The following CCDC180 variants were observed in gnomAD, a reference collection of about 807,000 sequenced individuals.
The protein encoded by CCDC180 is coiled-coil domain containing 180.
Under a neutral mutation model 209.2 loss-of-function variants are expected in CCDC180, and 154 were observed. The ratio of observed to expected loss-of-function variants is 0.74; its 90% CI spans 0.65 to 0.84. CCDC180 has a LOEUF of 0.84. Among genes scored for constraint, CCDC180 ranks in the 40% least tolerant of loss-of-function variants. CCDC180 has a pLI of 0.00. For missense variants in CCDC180, 1,874 were observed against 1,997.3 expected, an observed-to-expected ratio of 0.94 and a Z score of 1.18; for synonymous variants, 778 against 749.1, an observed-to-expected ratio of 1.04 and a Z score of -0.63.
intron 18 of CCDC180, among the ~76,000 whole-genome samples, chr9:97,332,138 A>C (rs1825773825): frequency 6.6e-6 from 1 of 152,138 alleles, no homozygotes; most frequent in Admixed American, 6.5e-5. Context: ...CCATTTATTA[A>C]ATGGGTAGTC....
intron 9 of CCDC180, 73 bp downstream of exon 9, chr9:97,317,301 C>T (rs928782116): frequency 1.2e-5 from 16 of 1,340,384 alleles, no homozygotes; most frequent in South Asian, 1.9e-5. Flanking sequence ...GGCATTCTCC[C>T]TCACTTTTTG....
At position 97,320,147 on chromosome 9, in the gene CCDC180, C is replaced by G. The variant is rs554407438; in HGVS notation, c.1101C>G (p.Tyr367Ter). 6.2e-7 allele frequency: 1 copy of G among 1,614,158 alleles called. No homozygotes were observed. The highest frequency in any genetic ancestry group is 8.5e-7 in the Non-Finnish European group (1 of 1,180,032). ...CTICDLLPPSYSKTQLTEWHS... is the reference protein window; with the variant it reads ...CTICDLLPPS ...CCAGTGACCTCCTGCCCCCCAGTTA[C>G]AGCAAAACTCAGCTGACTGAGTGGC... Residue 367 changes from tyrosine to a stop codon, truncating the protein, a stop_gained, in exon 11 of 37, where the codon TAC becomes TAG. Coordinates refer to ENST00000529487, the MANE Select transcript of CCDC180 (RefSeq NM_020893.6). LOFTEE classifies it high-confidence loss of function.
intron 25 of CCDC180, among the ~76,000 whole-genome samples, chr9:97,359,049 T>A (rs1429682882): frequency 6.6e-6 from 1 of 152,244 alleles, no homozygotes; most frequent in Admixed American, 6.5e-5. Flanking sequence ...GTTATGTATA[T>A]GCATGCACTT....
chr9:97,318,759 G>A (rs1833264191), intron 10 of CCDC180, among the ~76,000 whole-genome samples, 177 bp downstream of exon 10: 1 of 152,136 alleles, frequency 6.6e-6, no homozygotes, highest in South Asian at 2.1e-4. Flanking sequence ...GAAAGGCCAT[G>A]GCCCATTTGC....
At chr9:97,347,815 G>A (rs557602446) in intron 20 of CCDC180, 6 of 221,688 alleles carry the variant, frequency 2.7e-5, no homozygotes, top group Non-Finnish European at 5.3e-5. Flanking sequence ...CACCTGCATG[G>A]TGGATGTTCT....
chr9:97,332,516 G>A (rs1825785447), intron 18 of CCDC180, among the ~76,000 whole-genome samples: 1 of 152,018 alleles, frequency 6.6e-6, no homozygotes, highest in African/African-American at 2.4e-5. Flanking sequence ...GGATGTTTAT[G>A]GTTTTTCATT....
At chr9:97,347,621 G>A in intron 20 of CCDC180, 132 bp downstream of exon 20, 1 of 863,270 alleles carries the variant, frequency 1.2e-6, no homozygotes, top group Non-Finnish European at 1.7e-6. Flanking sequence ...ATCACACCAT[G>A]GAAGATGTAC....
intron 18 of CCDC180, among the ~76,000 whole-genome samples, chr9:97,336,442 T>C (rs537448671): frequency 1.1e-4 from 17 of 152,332 alleles, no homozygotes; most frequent in Non-Finnish European, 2.1e-4. Context: ...TTGCTTGTTT[T>C]TGTCAGGTTT....
chr9:97,349,408 C>A (rs1826361884), intron 21 of CCDC180, 117 bp downstream of exon 21: 1 of 836,174 alleles, frequency 1.2e-6, no homozygotes, highest in Non-Finnish European at 1.8e-6. Flanking sequence ...ACCTCCAGAG[C>A]CTTCTTTTGA....
chr9:97,326,186 G>A (rs971269293), intron 14 of CCDC180, among the ~76,000 whole-genome samples: 1 of 152,192 alleles, frequency 6.6e-6, no homozygotes, highest in Non-Finnish European at 1.5e-5. Flanking sequence ...TCCAGGAGGT[G>A]GGGGAACAAA....
intron 36 of CCDC180, chr9:97,376,134 A>G (rs964633926): frequency 1.9e-5 from 3 of 156,858 alleles, no homozygotes; most frequent in Non-Finnish European, 2.8e-5. Flanking sequence ...TGGCAGAGCC[A>G]GGATTTGATC....
At chr9:97,369,598 C>A in intron 31 of CCDC180, 1 of 220,122 alleles carries the variant, frequency 4.5e-6, no homozygotes, top group Non-Finnish European at 9.1e-6. Context: ...CTGGCATGTA[C>A]CACCATGCCT....
chr9:97,333,715 T>C (rs915131002), intron 18 of CCDC180, among the ~76,000 whole-genome samples: 4 of 151,936 alleles, frequency 2.6e-5, no homozygotes, highest in African/African-American at 9.7e-5. Context: ...GGAGTTTTTT[T>C]TTGTATTTCT....
chr9:97,333,503 GTTTTTTTTTTT>G (rs373215367), intron 18 of CCDC180, among the ~76,000 whole-genome samples: 35 of 72,830 alleles, frequency 4.8e-4, no homozygotes, highest in African/African-American at 2.2e-3. Flanking sequence ...CTGGGTTTGG[GTTTTTTTTTTT>G]TTTTTTTTTT....
At chr9:97,359,598 G>A (rs766028890) in intron 25 of CCDC180, among the ~76,000 whole-genome samples, 12 of 152,124 alleles carry the variant, frequency 7.9e-5, no homozygotes, top group East Asian at 1.9e-4. Context: ...TGCCACCTGC[G>A]TCAAATGTTT....
chr9:97,319,753 A>G (rs1209707138), intron 10 of CCDC180, among the ~76,000 whole-genome samples: 2 of 152,188 alleles, frequency 1.3e-5, no homozygotes, highest in African/African-American at 4.8e-5. Flanking sequence ...TTAAATCATC[A>G]TGTGTGTTTA....
chr9:97,336,494 AG>A (rs1449920027), intron 18 of CCDC180, among the ~76,000 whole-genome samples: 1 of 152,088 alleles, frequency 6.6e-6, no homozygotes, highest in Non-Finnish European at 1.5e-5. Context: ...ATTATTTCTG[AG>A]GCCTCTGTTC....
chr9:97,326,522 C>A, intron 14 of CCDC180, 32 bp from the exon 15 acceptor site: 1 of 1,332,928 alleles, frequency 7.5e-7, no homozygotes, highest in Non-Finnish European at 1.1e-6. Flanking sequence ...GAGGTCACAT[C>A]TGCTTCCTCT....
intron 19 of CCDC180, chr9:97,345,759 A>G (rs1826246419): frequency 4.3e-6 from 1 of 234,788 alleles, no homozygotes; most frequent in African/African-American, 2.4e-5. Flanking sequence ...TCAAAAAAAA[A>G]TTAAATTATA....
Sources: allele counts gnomAD v4.1 joint callset (sites outside exome capture counted in the v4.1 genomes callset), GRCh38; gene constraint gnomAD v4.1.1; transcripts MANE v1.5; gene names NCBI Gene and HGNC (gene_info 2026-07-23, HGNC 2026-07-21).